IFRD1: variants seen among roughly 807,000 people sequenced by gnomAD.
IFRD1 encodes the protein interferon related developmental regulator 1.
A neutral mutation model predicts 52.9 loss-of-function variants in IFRD1; 35 were observed. The ratio of observed to expected loss-of-function variants is 0.66; its 90% CI spans 0.51 to 0.88. IFRD1 has a LOEUF of 0.88. IFRD1 is among the 40% of genes least tolerant of loss of function. The pLI is 0.00. For missense variants in IFRD1, 517 were observed against 550.8 expected (o/e 0.94, Z 0.61); for synonymous variants, 184 against 188.4 (o/e 0.98, Z 0.19).
chr7:112,450,561 C>G lies in IFRD1; in HGVS notation c.-128C>G. 2.3e-5 allele frequency: 17 copies of G among 727,206 alleles called. No homozygotes were observed. The highest frequency in any genetic ancestry group is 5.0e-6 in the Non-Finnish European group (2 of 401,790). The allele number at this position is 727,206 out of a possible 1,614,324, so 45.0% of individuals were successfully genotyped here. On this transcript the variant is annotated 5_prime_UTR_variant, in exon 1 of 12. Coordinates refer to ENST00000403825, the MANE Select transcript of IFRD1 (RefSeq NM_001550.4). ...CCGCCCACTCTTACCCCCGCCGCTT[C>G]TCGACTCTGTTGTTAGCCGAAGACT...
At chr7:112,435,276 G>T (rs775089126) in intron 1 of IFRD1, among the ~76,000 whole-genome samples, 1 of 152,182 alleles carries the variant, frequency 6.6e-6, no homozygotes, top group Non-Finnish European at 1.5e-5. Flanking sequence ...CTTCAGAGTT[G>T]TCATAGTGAC....
intron 5 of IFRD1, 50 bp downstream of exon 5, chr7:112,459,068 G>A (rs763941027): frequency 6.9e-7 from 1 of 1,454,888 alleles, no homozygotes; most frequent in Non-Finnish European, 9.5e-7. Flanking sequence ...ATGACACCCA[G>A]ACGTGGTGCG....
In IFRD1 at chr7:112,477,164, A is replaced by C. The variant is rs1795925412; in HGVS notation, c.*1645A>C. On this transcript the variant is annotated 3_prime_UTR_variant, in exon 12 of 12. Transcript: ENST00000403825. ...ATATATGTATGTACATGTAATTATA[A>C]ATAAATAATGAATTTTTATTAAAGT... 1 of 152,206 alleles carries C rather than the reference A, an allele frequency of 6.6e-6. No homozygotes were observed. Among genetic ancestry groups the C allele is most frequent in the African/African-American group, 2.4e-5 (1 of 41,450 alleles). The allele number at this position is 152,206 out of a possible 1,614,324, so 9.4% of individuals were successfully genotyped here. A position where few individuals can be genotyped will look rare whatever the true frequency, so the allele number is the denominator to read the frequency against.
intron 8 of IFRD1, among the ~76,000 whole-genome samples, chr7:112,463,894 A>AC (rs1187236509): frequency 5.1e-4 from 9 of 17,614 alleles, no homozygotes; most frequent in African/African-American, 1.1e-3. Context: ...ACACACACAC[A>AC]CCCCACGTAT....
chr7:112,449,873 A>G (rs979230057), upstream of IFRD1, among the ~76,000 whole-genome samples: 1 of 151,350 alleles, frequency 6.6e-6, no homozygotes, highest in Non-Finnish European at 1.5e-5. Flanking sequence ...CCACGGTCCA[A>G]TTACAGGTAC....
intron 11 of IFRD1, among the ~76,000 whole-genome samples, 169 bp downstream of exon 11, chr7:112,473,030 GT>G (rs780665638): frequency 0.016 from 671 of 40,914 alleles, 4 homozygotes; most frequent in Middle Eastern, 0.067. Context: ...TGTGGGGGGC[GT>G]GTGTGTGTGT....
chr7:112,476,557 G>A lies in IFRD1; in HGVS notation c.*1038G>A, dbSNP rs373471638. 1 of 152,160 alleles carries A rather than the reference G, an allele frequency of 6.6e-6. No homozygotes were observed. Among genetic ancestry groups the A allele is most frequent in the Non-Finnish European group, 1.5e-5 (1 of 68,062 alleles). 9.4% of individuals were successfully genotyped at this position (152,160 alleles called of 1,614,324 possible). On this transcript the variant is annotated 3_prime_UTR_variant, in exon 12 of 12. Coordinates refer to ENST00000403825, the MANE Select transcript of IFRD1 (RefSeq NM_001550.4). ...TACTCTTTATCTACTTGGGTGCTGA[G>A]GCAAGAGGGTAACTTGAGCCCAGGA...
At chr7:112,451,373 C>T (rs56058622) in intron 1 of IFRD1, among the ~76,000 whole-genome samples, 9,227 of 152,264 alleles carry the variant, frequency 0.061, 307 homozygotes, top group South Asian at 0.094. Flanking sequence ...ACCACTTTCT[C>T]CCCCCTAGGC....
rs1356144308 is a variant in IFRD1 at position 112,457,337 on chromosome 7, G to A, written c.409+299G>A. On this transcript the variant is annotated intron_variant, in intron 4 of 11. Transcript: ENST00000403825. ...CTTGTTATACCAGAAAAGCTTGAAA[G>A]TGTGTGTCAGACATCTAGCTCATTT... 7.7e-6 allele frequency: 4 copies of A among 520,240 alleles called. No homozygotes were observed. In the Admixed American group the frequency reaches 1.4e-4, roughly 18 times the overall value. 32.2% of individuals were successfully genotyped at this position (520,240 alleles called of 1,614,324 possible).
At chr7:112,462,582 T>C (rs963543040) in intron 8 of IFRD1, among the ~76,000 whole-genome samples, 3 of 152,158 alleles carry the variant, frequency 2.0e-5, no homozygotes, top group African/African-American at 4.8e-5. Flanking sequence ...TGTTTGACTG[T>C]GGTTCATTAT....
Position 112,450,486 on chromosome 7 carries a change from C to T in IFRD1, c.-203C>T. 8.1e-6 allele frequency: 5 copies of T among 616,592 alleles called. No individual in the cohort carries two copies. Among genetic ancestry groups the T allele is most frequent in the South Asian group, 3.7e-5 (2 of 54,154 alleles). The allele number at this position is 616,592 out of a possible 1,614,324, so 38.2% of individuals were successfully genotyped here. On this transcript the variant is annotated 5_prime_UTR_variant, in exon 1 of 12. Transcript: ENST00000403825. ...CCTTAGCTCCCGCGCTAGAGAGAAA[C>T]ATGTATCGTTTTCGATCACAGCTCT...
chr7:112,427,241 G>C (rs994355071), intron 1 of IFRD1, among the ~76,000 whole-genome samples: 1 of 152,196 alleles, frequency 6.6e-6, no homozygotes, highest in African/African-American at 2.4e-5. Context: ...TATTAGGGCA[G>C]AGCCCTCATG....
rs1212242531 is a variant in IFRD1, at chr7:112,473,033, T to C, written c.1266+172T>C. Among the ~76,000 whole-genome samples the C allele has an allele frequency of 3.1e-4, 16 of 51,520 alleles. 1 individual carries two copies. In the South Asian group the frequency reaches 5.1e-3, roughly 16 times the overall value. The allele number at this position is 51,520 out of a possible 152,430, so 33.8% of individuals were successfully genotyped here. Reference sequence around the variant, plus strand: ...AAGCATTTAGAGTGTGGGGGGCGTGTGTGTGTGTGTGTGTGTGTGTGTGTG... The same window carrying C: ...AAGCATTTAGAGTGTGGGGGGCGTGCGTGTGTGTGTGTGTGTGTGTGTGTG... On this transcript the variant is annotated intron_variant, in intron 11 of 11. Coordinates refer to ENST00000403825, the MANE Select transcript of IFRD1 (RefSeq NM_001550.4).
chr7:112,455,528 TG>T (rs938726643), intron 1 of IFRD1, among the ~76,000 whole-genome samples: 8 of 152,094 alleles, frequency 5.3e-5, no homozygotes, highest in Admixed American at 2.0e-4. Flanking sequence ...GAATGCCTCT[TG>T]TTAGAGGACT....
At chr7:112,428,706 AG>A (rs1794481851) in intron 1 of IFRD1, among the ~76,000 whole-genome samples, 1 of 152,182 alleles carries the variant, frequency 6.6e-6, no homozygotes, top group Non-Finnish European at 1.5e-5. Context: ...AGCCATTCAA[AG>A]GCTCTGGGAA....
chr7:112,436,003 C>T (rs887211372), intron 1 of IFRD1, among the ~76,000 whole-genome samples: 1 of 151,972 alleles, frequency 6.6e-6, no homozygotes, highest in African/African-American at 2.4e-5. Context: ...TTGCCTCAGC[C>T]TCCCAAGTAG....
Position 112,465,884 on chromosome 7 carries a change from A to G in IFRD1, c.907-2097A>G, listed in dbSNP as rs570781744. Among the ~76,000 whole-genome samples, 5 of 152,300 alleles carry G rather than the reference A, an allele frequency of 3.3e-5. No homozygotes were observed. The South Asian group carries it at 1.0e-3, about 32-fold the overall frequency. On this transcript the variant is annotated intron_variant, in intron 8 of 11. Transcript: ENST00000403825. ...AGTCTAGAATATTGATAAAATAGTT[A>G]ATGCTTCAGAATTTATTGGGGAATT...
At chr7:112,454,850 C>T (rs1242855884) in intron 1 of IFRD1, among the ~76,000 whole-genome samples, 2 of 138,176 alleles carry the variant, frequency 1.4e-5, no homozygotes. Flanking sequence ...ATTTCATCTT[C>T]ATATCAGTTT....
intron 1 of IFRD1, among the ~76,000 whole-genome samples, chr7:112,444,459 C>T (rs1794972094): frequency 6.6e-6 from 1 of 152,086 alleles, no homozygotes; most frequent in Non-Finnish European, 1.5e-5. Flanking sequence ...CCATTCTTGG[C>T]AATAAAACAA....
Sources: gnomAD v4.1 joint callset for allele counts (sites outside exome capture counted in the v4.1 genomes callset) on GRCh38, gnomAD v4.1.1 for gene constraint, MANE v1.5 for transcripts, NCBI Gene and HGNC (gene_info 2026-07-23, HGNC 2026-07-21) for gene names.